The following BBX variants were observed in gnomAD, a reference collection of about 807,000 sequenced individuals.
BBX encodes the protein BBX high mobility group box domain containing, also known as HMG box transcription factor BBX.
Under a neutral mutation model 100.2 loss-of-function variants are expected in BBX, and 30 were observed. The observed-to-expected ratio is 0.30, with a 90% CI of 0.22 to 0.41. The LOEUF is 0.41. Among genes scored for constraint, BBX ranks in the 10% least tolerant of loss-of-function variants. BBX has a pLI of 1.00. For synonymous variants in BBX, 376 were observed against 388.1 expected (o/e 0.97, Z 0.37); for missense variants, 1,023 against 1,129.8 (o/e 0.91, Z 1.35).
intron 3 of BBX, among the ~76,000 whole-genome samples, chr3:107,692,302 G>A (rs909627335): frequency 4.3e-4 from 66 of 151,816 alleles, no homozygotes; most frequent in Admixed American, 2.9e-3. Context: ...CTACTAACTC[G>A]TCATCTAGCA....
intron 4 of BBX, among the ~76,000 whole-genome samples, chr3:107,712,431 C>T (rs1002878268): frequency 1.3e-5 from 2 of 152,166 alleles, no homozygotes; most frequent in Non-Finnish European, 2.9e-5. Context: ...CCTTCTCCTG[C>T]ATCTTCCCTT....
intron 2 of BBX, among the ~76,000 whole-genome samples, chr3:107,547,899 T>C (rs1164631132): frequency 1.3e-5 from 2 of 152,160 alleles, no homozygotes; most frequent in Non-Finnish European, 2.9e-5. Flanking sequence ...CAAAGCCAAC[T>C]CCTTTTCTAC....
intron 7 of BBX, among the ~76,000 whole-genome samples, 199 bp from the exon 8 acceptor site, chr3:107,744,431 A>G (rs1318923763): frequency 6.6e-6 from 1 of 152,208 alleles, no homozygotes; most frequent in African/African-American, 2.4e-5. Context: ...CAGTTGTCAC[A>G]AAGCAAATGC....
chr3:107,786,865 G>A (rs1055729519), intron 13 of BBX, among the ~76,000 whole-genome samples: 1 of 152,034 alleles, frequency 6.6e-6, no homozygotes, highest in Non-Finnish European at 1.5e-5. Context: ...CCCACAGAAT[G>A]GGAGAAAATA....
At chr3:107,630,742 A>G (rs907437332) in intron 2 of BBX, among the ~76,000 whole-genome samples, 2 of 152,212 alleles carry the variant, frequency 1.3e-5, no homozygotes, top group Non-Finnish European at 2.9e-5. Flanking sequence ...TACACAGTAG[A>G]CAGGCATGTG....
chr3:107,724,394 A>G (rs1425478055), intron 5 of BBX, among the ~76,000 whole-genome samples: 2 of 151,942 alleles, frequency 1.3e-5, no homozygotes, highest in African/African-American at 4.8e-5. Flanking sequence ...TTTGCTGTGC[A>G]GAAGCTCTTT....
In BBX at chr3:107,744,666, T is replaced by C; in HGVS notation, c.706T>C (p.Ser236Pro). 1.9e-6 allele frequency: 3 copies of C among 1,613,368 alleles called. No homozygotes were observed. The highest frequency in any genetic ancestry group is 2.5e-6 in the Non-Finnish European group (3 of 1,179,478). The part of the protein sequence containing the change: ...SGTCRPDVSE[S>P]PELRQKSPLF... ...CACATGCAGGCCTGATGTTTCAGAA[T>C]CTCCTGAATTACGTCAGAAGTCACC... is the stretch of plus-strand genomic sequence containing the variant. Residue 236 changes from serine to proline, a missense_variant, in exon 8 of 18, where the codon TCT (serine) becomes CCT (proline). This residue lies in a region of BBX where 95 missense variants were observed against 95.1 expected (regional missense o/e 1.00). Transcript: ENST00000325805.
chr3:107,789,129 G>A (rs889643657), intron 13 of BBX, among the ~76,000 whole-genome samples: 3 of 152,046 alleles, frequency 2.0e-5, no homozygotes, highest in African/African-American at 4.8e-5. Flanking sequence ...AGATGCCACC[G>A]GGGCTTTGGG....
At chr3:107,594,179 T>C (rs554135854) in intron 2 of BBX, among the ~76,000 whole-genome samples, 28 of 152,220 alleles carry the variant, frequency 1.8e-4, no homozygotes, top group Non-Finnish European at 3.8e-4. Flanking sequence ...TAAATTTTTT[T>C]ATATGTAAGT....
chr3:107,806,728 A>T lies in BBX; in HGVS notation c.*1271A>T, dbSNP rs530326172. ...GAACATTCAACATATTGACTTAACCACCTGACATTCACAGTGTCTTGTTTC... is the reference window on the plus strand; with the variant it reads ...GAACATTCAACATATTGACTTAACCTCCTGACATTCACAGTGTCTTGTTTC... On this transcript the variant is annotated 3_prime_UTR_variant, in exon 18 of 18. Coordinates refer to ENST00000325805, the MANE Select transcript of BBX (RefSeq NM_001142568.3). The T allele has an allele frequency of 6.6e-6, 1 of 152,348 alleles. No individual in the cohort carries two copies. The highest frequency in any genetic ancestry group is 2.4e-5 in the African/African-American group (1 of 41,576). 9.4% of individuals were successfully genotyped at this position (152,348 alleles called of 1,614,324 possible). A position where few individuals can be genotyped will look rare whatever the true frequency, so the allele number is the denominator to read the frequency against.
chr3:107,792,488 G>A (rs2069165091), intron 15 of BBX, among the ~76,000 whole-genome samples: 1 of 152,176 alleles, frequency 6.6e-6, no homozygotes, highest in Admixed American at 6.5e-5. Context: ...AAATGGTCAA[G>A]TTTGAGTTCA....
chr3:107,526,693 A>G (rs971921051), intron 2 of BBX: 4 of 204,282 alleles, frequency 2.0e-5, no homozygotes, highest in Non-Finnish European at 2.9e-5. Context: ...CATGGCATTG[A>G]AGGTCTAGTA....
intron 2 of BBX, among the ~76,000 whole-genome samples, chr3:107,531,809 A>G (rs1373367006): frequency 6.6e-6 from 1 of 152,168 alleles, no homozygotes; most frequent in African/African-American, 2.4e-5. Flanking sequence ...GGGATGAGAG[A>G]ACAGCTCTTT....
chr3:107,689,341 A>G (rs1440165327), intron 3 of BBX, among the ~76,000 whole-genome samples: 1 of 152,228 alleles, frequency 6.6e-6, no homozygotes, highest in Non-Finnish European at 1.5e-5. Flanking sequence ...GAAAATGACA[A>G]GCTTTCATAA....
chr3:107,617,457 A>G (rs553125923), intron 2 of BBX, among the ~76,000 whole-genome samples: 7 of 152,176 alleles, frequency 4.6e-5, no homozygotes, highest in South Asian at 2.1e-4. Flanking sequence ...CTGTATATCA[A>G]TTTGGAGAGA....
rs760088766 is a variant in BBX at position 107,687,209 on chromosome 3, CAT to C, written c.-9-23241_-9-23240del. Among the ~76,000 whole-genome samples the C allele has an allele frequency of 2.0e-5, 3 of 152,110 alleles. No homozygotes were observed. In the East Asian group the frequency reaches 5.8e-4, roughly 29 times the overall value. ...TTCAGCTTTAAGCCAATTTTCAAAT[CAT>C]AGAATCCAGCGTTAATTAATAATGG... On this transcript the variant is annotated intron_variant, in intron 3 of 17. Transcript: ENST00000325805.
intron 2 of BBX, among the ~76,000 whole-genome samples, chr3:107,604,514 T>C (rs1233732782): frequency 2.0e-5 from 3 of 152,148 alleles, no homozygotes; most frequent in African/African-American, 7.2e-5. Context: ...TCATTCTAGA[T>C]GTCTGGGGCC....
chr3:107,714,429 A>T (rs2061957336), intron 4 of BBX, among the ~76,000 whole-genome samples: 1 of 152,106 alleles, frequency 6.6e-6, no homozygotes, highest in Admixed American at 6.6e-5. Flanking sequence ...CCCTCCCAAA[A>T]CATGAGGTCC....
At chr3:107,746,823 A>G (rs1183939054) in intron 8 of BBX, among the ~76,000 whole-genome samples, 3 of 152,120 alleles carry the variant, frequency 2.0e-5, no homozygotes, top group Admixed American at 1.3e-4. Context: ...TGTTTTTCTA[A>G]CCAGTTTAAC....
Sources: allele counts gnomAD v4.1 joint callset (sites outside exome capture counted in the v4.1 genomes callset), GRCh38; gene constraint gnomAD v4.1.1; regional missense constraint gnomAD v4.1.1; transcripts MANE v1.5; gene names NCBI Gene and HGNC (gene_info 2026-07-23, HGNC 2026-07-21).